The following MCTP2 variants were observed in gnomAD, a reference collection of about 807,000 sequenced individuals.
MCTP2 encodes the protein multiple C2 and transmembrane domain-containing protein 2.
Under a neutral mutation model 111.6 loss-of-function variants are expected in MCTP2, and 132 were observed. The ratio of observed to expected loss-of-function variants is 1.18; its 90% CI spans 1.03 to 1.37. The LOEUF is 1.37. Among genes scored for constraint, MCTP2 ranks in the 40% most tolerant of loss-of-function variants. MCTP2 has a pLI of 0.00. For synonymous variants in MCTP2, 395 were observed against 387.7 expected, an observed-to-expected ratio of 1.02 and a Z score of -0.22; for missense variants, 1,183 against 1,067.9, an observed-to-expected ratio of 1.11 and a Z score of -1.50.
At chr15:94,406,592 A>G (rs1281416444) in intron 17 of MCTP2, among the ~76,000 whole-genome samples, 1 of 152,228 alleles carries the variant, frequency 6.6e-6, no homozygotes, top group Non-Finnish European at 1.5e-5. Context: ...ACAAGTGATG[A>G]TGAGACCAAA....
At chr15:94,244,844 G>A (rs1035807048) in intron 1 of MCTP2, among the ~76,000 whole-genome samples, 7 of 134,682 alleles carry the variant, frequency 5.2e-5, no homozygotes, top group South Asian at 4.6e-4. Flanking sequence ...GTTTATATAC[G>A]TATATGTATA....
chr15:94,278,147 G>C (rs993764532), intron 1 of MCTP2: 1 of 151,938 alleles, frequency 6.6e-6, no homozygotes, highest in Non-Finnish European at 1.5e-5. Context: ...TTTATTCGGA[G>C]GTACAGATAC....
chr15:94,380,251 G>A (rs547334758), intron 12 of MCTP2, among the ~76,000 whole-genome samples: 194 of 152,152 alleles, frequency 1.3e-3, no homozygotes, highest in African/African-American at 4.2e-3. Context: ...TACAAATGTG[G>A]GATATAAGAG....
chr15:94,291,267 T>A (rs1043410644), intron 1 of MCTP2, among the ~76,000 whole-genome samples: 3 of 152,204 alleles, frequency 2.0e-5, no homozygotes, highest in African/African-American at 7.2e-5. Flanking sequence ...TACTTTTGAA[T>A]AAACCATGAC....
At chr15:94,277,879 G>A (rs149795617) in intron 1 of MCTP2, among the ~76,000 whole-genome samples, 2 of 152,086 alleles carry the variant, frequency 1.3e-5, no homozygotes, top group Non-Finnish European at 2.9e-5. Context: ...TATAACAAAT[G>A]TATCACACTA....
chr15:94,452,874 C>G (rs1469925863), intron 19 of MCTP2, among the ~76,000 whole-genome samples: 1 of 152,296 alleles, frequency 6.6e-6, no homozygotes, highest in Non-Finnish European at 1.5e-5. Flanking sequence ...GATACCTGAG[C>G]TCAGATGGAA....
chr15:94,447,417 C>G (rs938736106), intron 19 of MCTP2, among the ~76,000 whole-genome samples: 14 of 152,112 alleles, frequency 9.2e-5, no homozygotes, highest in Non-Finnish European at 1.9e-4. Flanking sequence ...TTTTTTGAGA[C>G]AGAGTTTCAC....
chr15:94,350,269 G>C (rs554023228), intron 8 of MCTP2, among the ~76,000 whole-genome samples: 2 of 152,326 alleles, frequency 1.3e-5, no homozygotes, highest in African/African-American at 4.8e-5. Context: ...TGAGGCAAGA[G>C]AGGTGCTCTG....
chr15:94,478,881 C>T lies in MCTP2; in HGVS notation c.2569-85C>T, dbSNP rs1363204995. The T allele has an allele frequency of 7.1e-6, 8 of 1,132,656 alleles. No homozygotes were observed. Among genetic ancestry groups the T allele is most frequent in the African/African-American group, 3.1e-5 (2 of 65,296 alleles). The allele number at this position is 1,132,656 out of a possible 1,614,324, so 70.2% of individuals were successfully genotyped here. The stretch of plus-strand genomic sequence containing the variant: ...CTTTGAACCTTCCTTCCTTTGCCTT[C>T]GGTTGTCCTTGGGGAGCCATTAGCA... On this transcript the variant is annotated intron_variant, in intron 22 of 22. Coordinates refer to ENST00000357742, the MANE Select transcript of MCTP2 (RefSeq NM_001385001.1).
At chr15:94,443,206 C>G (rs1332648758) in intron 19 of MCTP2, among the ~76,000 whole-genome samples, 3 of 151,904 alleles carry the variant, frequency 2.0e-5, no homozygotes, top group African/African-American at 7.3e-5. Flanking sequence ...CTATAGGAGG[C>G]CTTTCATTGG....
At chr15:94,398,903 A>G in intron 14 of MCTP2, 58 bp from the exon 15 acceptor site, 1 of 1,046,234 alleles carries the variant, frequency 9.6e-7, no homozygotes. Context: ...TTGGTTATTT[A>G]CTTTAAACCA....
At chr15:94,401,577 C>T (rs8034297) in intron 16 of MCTP2, among the ~76,000 whole-genome samples, 100,503 of 152,048 alleles carry the variant, frequency 0.66, 34,811 homozygotes, top group Middle Eastern at 0.8. Context: ...TCTGCCTCTG[C>T]ATGTGTCTTT....
intron 12 of MCTP2, among the ~76,000 whole-genome samples, chr15:94,379,469 T>C (rs2079975970): frequency 6.6e-6 from 1 of 152,042 alleles, no homozygotes; most frequent in South Asian, 2.1e-4. Context: ...TGAGCTAAAA[T>C]GCTCCATATT....
intron 1 of MCTP2, among the ~76,000 whole-genome samples, chr15:94,290,827 TG>T (rs1350886928): frequency 6.6e-6 from 1 of 152,248 alleles, no homozygotes; most frequent in Non-Finnish European, 1.5e-5. Flanking sequence ...CATTACATAT[TG>T]ATTGAAGGGT....
intron 2 of MCTP2, among the ~76,000 whole-genome samples, chr15:94,308,333 G>C (rs1220879342): frequency 6.6e-6 from 1 of 152,204 alleles, no homozygotes; most frequent in Non-Finnish European, 1.5e-5. Flanking sequence ...CTGCTTCCTG[G>C]TCAGGCGAGG....
intron 1 of MCTP2, among the ~76,000 whole-genome samples, chr15:94,276,063 C>G (rs2074188065): frequency 6.6e-6 from 1 of 152,000 alleles, no homozygotes. Flanking sequence ...CCAGGATGGT[C>G]TTGATCTCCT....
intron 4 of MCTP2, among the ~76,000 whole-genome samples, chr15:94,323,746 AT>A (rs921566113): frequency 2.6e-5 from 4 of 152,134 alleles, no homozygotes; most frequent in Admixed American, 2.6e-4. Context: ...TTCGTTAGCA[AT>A]CCGCATAGGA....
intron 12 of MCTP2, among the ~76,000 whole-genome samples, chr15:94,377,300 C>A (rs962078918): frequency 1.3e-5 from 2 of 152,148 alleles, no homozygotes; most frequent in Non-Finnish European, 2.9e-5. Flanking sequence ...GCTCAGTAGT[C>A]GTGATTGAAC....
intron 20 of MCTP2, among the ~76,000 whole-genome samples, chr15:94,458,991 T>TA (rs2085017441): frequency 6.6e-6 from 1 of 151,316 alleles, no homozygotes; most frequent in Non-Finnish European, 1.5e-5. Flanking sequence ...CTAAACTCTC[T>TA]AATGGAACTC....
Sources: gnomAD v4.1 joint callset for allele counts (sites outside exome capture counted in the v4.1 genomes callset) on GRCh38, gnomAD v4.1.1 for gene constraint, MANE v1.5 for transcripts, NCBI Gene and HGNC (gene_info 2026-07-23, HGNC 2026-07-21) for gene names.